TMPRSS15: variants seen among roughly 807,000 people sequenced by gnomAD.
TMPRSS15 encodes enteropeptidase.
Under a neutral mutation model 125.3 loss-of-function variants are expected in TMPRSS15, and 128 were observed. That is an observed-to-expected ratio of 1.02 (90% CI 0.89 to 1.18). The LOEUF is 1.18. TMPRSS15 is among the 50% of genes most tolerant of loss of function. TMPRSS15 has a pLI of 0.00. For synonymous variants in TMPRSS15, 446 were observed against 423.2 expected, an observed-to-expected ratio of 1.05 and a Z score of -0.66; for missense variants, 1,283 against 1,212.7, an observed-to-expected ratio of 1.06 and a Z score of -0.86.
chr21:18,330,965 C>G lies in TMPRSS15; in HGVS notation c.1654+1119G>C, dbSNP rs373263598. 2.7e-4 allele frequency among the ~76,000 whole-genome samples: 40 copies of G among 149,782 alleles called. 2 individuals carry two copies. In the East Asian group the frequency reaches 6.7e-3, roughly 25 times the overall value. ...GCGGGCGCCTGTAGTCCCAGCTACT[C>G]GGGAGGCCAAGGCAGGAGAATGGCG... On this transcript the variant is annotated intron_variant, in intron 14 of 24. Transcript: ENST00000284885.
intron 12 of TMPRSS15, among the ~76,000 whole-genome samples, chr21:18,342,756 A>G (rs999014521): frequency 2.0e-5 from 3 of 152,192 alleles, no homozygotes; most frequent in Non-Finnish European, 2.9e-5. Context: ...TGATGGGAGG[A>G]AAACGGTTGA....
intron 1 of TMPRSS15, among the ~76,000 whole-genome samples, chr21:18,436,569 G>C (rs939455466): frequency 2.0e-5 from 3 of 151,394 alleles, no homozygotes; most frequent in Admixed American, 1.3e-4. Flanking sequence ...ATCTCCTTAA[G>C]CTGATAAGCA....
At chr21:18,405,417 T>A (rs2076144725), upstream of TMPRSS15, among the ~76,000 whole-genome samples, 1 of 152,124 alleles carries the variant, frequency 6.6e-6, no homozygotes, top group Non-Finnish European at 1.5e-5. Flanking sequence ...AACAAACAGA[T>A]GAATGTGAAA....
chr21:18,378,081 C>A (rs2075860537), intron 5 of TMPRSS15, among the ~76,000 whole-genome samples: 1 of 151,992 alleles, frequency 6.6e-6, no homozygotes, highest in African/African-American at 2.4e-5. Flanking sequence ...TTTGATGAAC[C>A]AATAAACAAA....
intron 1 of TMPRSS15, among the ~76,000 whole-genome samples, chr21:18,439,791 C>T (rs891953322): frequency 6.6e-6 from 1 of 152,098 alleles, no homozygotes; most frequent in Non-Finnish European, 1.5e-5. Context: ...AGACTAGATA[C>T]CATCTTTAAA....
upstream of TMPRSS15, among the ~76,000 whole-genome samples, chr21:18,406,490 C>T (rs1429071173): frequency 6.6e-6 from 1 of 151,906 alleles, no homozygotes; most frequent in Non-Finnish European, 1.5e-5. Context: ...TATTGACTAA[C>T]AGATAAAAGA....
chr21:18,400,964 A>G (rs2123136757), intron 1 of TMPRSS15, among the ~76,000 whole-genome samples: 1 of 152,322 alleles, frequency 6.6e-6, no homozygotes, highest in African/African-American at 2.4e-5. Context: ...AGTGGCTAAC[A>G]AATATTTTAA....
At chr21:18,304,530 T>A (rs1235400967) in intron 18 of TMPRSS15, among the ~76,000 whole-genome samples, 1 of 152,170 alleles carries the variant, frequency 6.6e-6, no homozygotes, top group Admixed American at 6.5e-5. Flanking sequence ...GGCAAAGAAA[T>A]AATTACATCT....
intron 6 of TMPRSS15, 67 bp from the exon 7 acceptor site, chr21:18,365,315 T>G: frequency 1.6e-6 from 2 of 1,223,962 alleles, no homozygotes; most frequent in Non-Finnish European, 2.4e-6. Flanking sequence ...TGCAAAACAT[T>G]TCACAGAATA....
chr21:18,442,096 T>C (rs2076243521), intron 1 of TMPRSS15, among the ~76,000 whole-genome samples: 1 of 152,204 alleles, frequency 6.6e-6, no homozygotes, highest in African/African-American at 2.4e-5. Context: ...TTACTATAAC[T>C]GTCCTTTGTG....
At chr21:18,420,656 A>C (rs918355691) in intron 1 of TMPRSS15, among the ~76,000 whole-genome samples, 17 of 152,198 alleles carry the variant, frequency 1.1e-4, no homozygotes, top group African/African-American at 4.1e-4. Flanking sequence ...TAAGCTTTTT[A>C]TCTTGGACTT....
Position 18,396,870 on chromosome 21 carries a change from GC to G in TMPRSS15, c.344+1008del, listed in dbSNP as rs1393849416. On this transcript the variant is annotated intron_variant, in intron 3 of 24. Transcript: ENST00000284885. ...TCTATCTTAAGTCACAAAAGGCTTG[GC>G]CTGAAATAGAGATTCAACCAGTGAG... Among the ~76,000 whole-genome samples, 5 of 145,556 alleles carry G rather than the reference GC, an allele frequency of 3.4e-5. 1 individual carries two copies. Among genetic ancestry groups the G allele is most frequent in the Admixed American group, 2.8e-4 (4 of 14,536 alleles).
At chr21:18,463,151 CG>C (rs1978583495) in intron 1 of TMPRSS15, among the ~76,000 whole-genome samples, 1 of 144,696 alleles carries the variant, frequency 6.9e-6, no homozygotes, top group African/African-American at 2.5e-5. Context: ...CAAGACCCAT[CG>C]GGGTGCTGTA....
intron 18 of TMPRSS15, among the ~76,000 whole-genome samples, chr21:18,304,680 A>T (rs1300540203): frequency 6.6e-6 from 1 of 152,188 alleles, no homozygotes; most frequent in Admixed American, 6.5e-5. Context: ...AGATACATAT[A>T]AAATATCATT....
intron 3 of TMPRSS15, among the ~76,000 whole-genome samples, chr21:18,385,285 T>A (rs891665726): frequency 5.9e-5 from 9 of 152,312 alleles, no homozygotes; most frequent in African/African-American, 2.2e-4. Context: ...AATGATACAT[T>A]TCGTCACAGA....
At chr21:18,480,837 T>C (rs1278205287) in intron 1 of TMPRSS15, among the ~76,000 whole-genome samples, 1 of 151,908 alleles carries the variant, frequency 6.6e-6, no homozygotes, top group Non-Finnish European at 1.5e-5. Context: ...CATCTTCATG[T>C]GGCTCTTGTT....
intron 1 of TMPRSS15, among the ~76,000 whole-genome samples, chr21:18,464,060 C>G: frequency 6.7e-6 from 1 of 149,960 alleles, no homozygotes; most frequent in Non-Finnish European, 1.5e-5. Flanking sequence ...GTAGTCCCAG[C>G]TACTTGGGAG....
intron 3 of TMPRSS15, among the ~76,000 whole-genome samples, chr21:18,388,402 G>T: frequency 6.6e-6 from 1 of 152,056 alleles, no homozygotes; most frequent in Admixed American, 6.6e-5. Context: ...GAAAAATTTG[G>T]GATTTTGGTA....
At chr21:18,458,285 T>C (rs1978480768) in intron 1 of TMPRSS15, among the ~76,000 whole-genome samples, 1 of 152,144 alleles carries the variant, frequency 6.6e-6, no homozygotes, top group Admixed American at 6.6e-5. Context: ...CACAAAGTGG[T>C]ATATTTGGGA....
Sources: gnomAD v4.1 joint callset for allele counts (sites outside exome capture counted in the v4.1 genomes callset) on GRCh38, gnomAD v4.1.1 for gene constraint, MANE v1.5 for transcripts, NCBI Gene and HGNC (gene_info 2026-07-23, HGNC 2026-07-21) for gene names.